The following TMEM165 variants were observed in gnomAD, a reference collection of about 807,000 sequenced individuals.
TMEM165 encodes the protein transmembrane protein 165.
A neutral mutation model predicts 30.0 loss-of-function variants in TMEM165; 19 were observed. The observed-to-expected ratio is 0.63, with a 90% CI of 0.44 to 0.93. The LOEUF (loss-of-function observed/expected upper bound fraction) is 0.93. Ranked by LOEUF, TMEM165 falls within the 40% of genes least tolerant of loss-of-function variation. TMEM165 has a pLI of 0.00. For synonymous variants in TMEM165, 168 were observed against 162.9 expected (o/e 1.03, Z -0.24); for missense variants, 340 against 417.0 (o/e 0.82, Z 1.61).
At chr4:55,411,910 T>C (rs1721517068) in intron 2 of TMEM165, 71 bp downstream of exon 2, 1 of 1,432,124 alleles carries the variant, frequency 7.0e-7, no homozygotes. Flanking sequence ...ATGGAGTCAC[T>C]GAGTCATTAA....
At chr4:55,413,432 A>G (rs1721596857) in intron 2 of TMEM165, among the ~76,000 whole-genome samples, 1 of 152,156 alleles carries the variant, frequency 6.6e-6, no homozygotes, top group African/African-American at 2.4e-5. Flanking sequence ...TTCCTGCCTC[A>G]GCCTCCCAAG....
At chr4:55,405,486 AC>A (rs1481935550) in intron 1 of TMEM165, among the ~76,000 whole-genome samples, 1 of 152,018 alleles carries the variant, frequency 6.6e-6, no homozygotes. Flanking sequence ...GCTTTTTATC[AC>A]CCCAAGTGGA....
At chr4:55,437,296 TTGA>T (rs1326616131) in intron 3 of TMEM165, among the ~76,000 whole-genome samples, 7 of 152,122 alleles carry the variant, frequency 4.6e-5, no homozygotes, top group Non-Finnish European at 5.9e-5. Context: ...AACCCAGAAA[TTGA>T]TGATAAGTGC....
At chr4:55,404,164 A>G (rs1470207722) in intron 1 of TMEM165, among the ~76,000 whole-genome samples, 1 of 147,740 alleles carries the variant, frequency 6.8e-6, no homozygotes, top group Non-Finnish European at 1.5e-5. Context: ...GGTGTGCGCC[A>G]CCACGCCTGG....
chr4:55,397,691 T>C (rs1414967463), intron 1 of TMEM165, among the ~76,000 whole-genome samples: 1 of 151,774 alleles, frequency 6.6e-6, no homozygotes, highest in Non-Finnish European at 1.5e-5. Context: ...TTCCTTTCCA[T>C]TCCTTTCATT....
At chr4:55,442,547 T>C in intron 3 of TMEM165, 2 of 1,610,894 alleles carry the variant, frequency 1.2e-6, no homozygotes, top group Non-Finnish European at 1.7e-6. Flanking sequence ...ATCACCATAG[T>C]GTTATACAGT....
intron 3 of TMEM165, chr4:55,435,485 T>C: frequency 6.2e-7 from 1 of 1,614,020 alleles, no homozygotes; most frequent in Admixed American, 1.7e-5. Flanking sequence ...CTGCTGTTGC[T>C]GAGACTGATG....
At chr4:55,400,329 ATAAT>A (rs1417735515) in intron 1 of TMEM165, among the ~76,000 whole-genome samples, 41 of 76,308 alleles carry the variant, frequency 5.4e-4, no homozygotes, top group African/African-American at 1.8e-3. Context: ...TGTATTATAT[ATAAT>A]ATAATATTAA....
chr4:55,438,532 G>A, intron 3 of TMEM165: 2 of 1,613,308 alleles, frequency 1.2e-6, no homozygotes, highest in Non-Finnish European at 1.7e-6. Flanking sequence ...TTGACCTTGA[G>A]AAAATCTGTT....
At chr4:55,432,974 G>C (rs763726138) in intron 3 of TMEM165, 11 of 152,566 alleles carry the variant, frequency 7.2e-5, no homozygotes, top group Non-Finnish European at 1.3e-4. Context: ...AGTACTCACA[G>C]TTCACCATCT....
At chr4:55,398,076 CT>C (rs1239562111) in intron 1 of TMEM165, among the ~76,000 whole-genome samples, 2 of 152,180 alleles carry the variant, frequency 1.3e-5, no homozygotes, top group Admixed American at 1.3e-4. Flanking sequence ...CTTTCTTAGG[CT>C]TTTCCAATTT....
intron 1 of TMEM165, among the ~76,000 whole-genome samples, chr4:55,402,552 A>G (rs1369506588): frequency 6.0e-5 from 8 of 133,256 alleles, no homozygotes; most frequent in East Asian, 4.5e-4. Context: ...GGTTCATGCA[A>G]TTCTCATGCC....
intron 1 of TMEM165, among the ~76,000 whole-genome samples, chr4:55,406,901 C>G (rs1451740487): frequency 4.6e-5 from 7 of 152,218 alleles, no homozygotes; most frequent in Non-Finnish European, 8.8e-5. Flanking sequence ...GGCTCAAGGG[C>G]TCCACCCATC....
chr4:55,423,251 A>G (rs1005902631), intron 4 of TMEM165: 2 of 152,116 alleles, frequency 1.3e-5, no homozygotes, highest in African/African-American at 4.8e-5. Flanking sequence ...CCTATCATTC[A>G]TTTATCATGG....
At chr4:55,418,184 G>T in intron 4 of TMEM165, 199 bp downstream of exon 4, 1 of 466,920 alleles carries the variant, frequency 2.1e-6, no homozygotes, top group Non-Finnish European at 3.7e-6. Context: ...TTGTAACCAA[G>T]CTCAGTTGGG....
chr4:55,418,573 T>C (rs1201341547), intron 4 of TMEM165, among the ~76,000 whole-genome samples: 1 of 151,294 alleles, frequency 6.6e-6, no homozygotes, highest in Non-Finnish European at 1.5e-5. Context: ...ACTAAAGAAA[T>C]TGACTGTTGC....
At chr4:55,411,581 G>C (rs779865801) in intron 1 of TMEM165, 33 bp from the exon 2 acceptor site, 4 of 1,536,314 alleles carry the variant, frequency 2.6e-6, no homozygotes, top group Admixed American at 3.7e-5. Context: ...TTTGAATAAT[G>C]ATTTTAAGAA....
chr4:55,447,372 ATT>A, intron 3 of TMEM165, among the ~76,000 whole-genome samples: 1 of 152,150 alleles, frequency 6.6e-6, no homozygotes, highest in African/African-American at 2.4e-5. Context: ...TCAAAAAAAA[ATT>A]AAAAAGTTAC....
chr4:55,437,713 C>G (rs963840936), intron 3 of TMEM165, among the ~76,000 whole-genome samples: 1 of 152,140 alleles, frequency 6.6e-6, no homozygotes, highest in Non-Finnish European at 1.5e-5. Context: ...CCAAAGGTCA[C>G]GCAGTACGTG....
Sources: gnomAD v4.1 joint callset for allele counts (sites outside exome capture counted in the v4.1 genomes callset) on GRCh38, gnomAD v4.1.1 for gene constraint, MANE v1.5 for transcripts, NCBI Gene and HGNC (gene_info 2026-07-23, HGNC 2026-07-21) for gene names.